Variants in GPATCH2 observed in about 807,000 individuals in gnomAD.
The protein encoded by GPATCH2 is G-patch domain containing 2.
A neutral mutation model predicts 58.0 loss-of-function variants in GPATCH2; 51 were observed. That is an observed-to-expected ratio of 0.88 (90% confidence interval 0.70 to 1.11). The LOEUF is 1.11. Ranked by LOEUF, GPATCH2 falls within the 50% of genes most tolerant of loss-of-function variation. The pLI is 0.00. For synonymous variants in GPATCH2, 222 were observed against 218.5 expected, an observed-to-expected ratio of 1.02 and a Z score of -0.14; for missense variants, 625 against 652.2, an observed-to-expected ratio of 0.96 and a Z score of 0.45.
chr1:217,620,989 A>G (rs1344142065), intron 1 of GPATCH2, among the ~76,000 whole-genome samples: 1 of 152,212 alleles, frequency 6.6e-6, no homozygotes, highest in Non-Finnish European at 1.5e-5. Flanking sequence ...ACAGACAGGT[A>G]GTTTCAGGAT....
chr1:217,575,492 G>A (rs968883378), intron 5 of GPATCH2, among the ~76,000 whole-genome samples: 5 of 152,212 alleles, frequency 3.3e-5, no homozygotes, highest in African/African-American at 1.2e-4. Flanking sequence ...AATTCCAAGT[G>A]GCTCAGATTT....
intron 8 of GPATCH2, among the ~76,000 whole-genome samples, chr1:217,473,665 C>G (rs1022270896): frequency 6.6e-6 from 1 of 151,462 alleles, no homozygotes. Flanking sequence ...AAAAAAAAAC[C>G]CATAGACTTA....
chr1:217,445,542 G>C (rs556458624), intron 9 of GPATCH2, among the ~76,000 whole-genome samples: 1 of 151,916 alleles, frequency 6.6e-6, no homozygotes, highest in Non-Finnish European at 1.5e-5. Flanking sequence ...TTCTTGCTTC[G>C]ATAGTTCTCA....
chr1:217,620,314 G>A lies in GPATCH2; in HGVS notation c.242C>T (p.Pro81Leu), dbSNP rs1306581507. ...RKRRSYNVHH[P>L]WETGHCLSEG... ...ACTTAAGCAGTGACCAGTCTCCCAC[G>A]GGTGATGCACATTATACGACCTCCG... The change falls in exon 2 of 10, where the codon CCG (proline) becomes CTG (leucine). Residue 81 changes from proline (P) to leucine (L), a missense_variant. Pro to Leu is a moderately conservative substitution (Grantham distance 98). Coordinates refer to ENST00000366935, the MANE Select transcript of GPATCH2 (RefSeq NM_018040.5). The A allele has an allele frequency of 6.2e-7, 1 of 1,613,970 alleles. No individual in the cohort carries two copies. Among genetic ancestry groups the A allele is most frequent in the Non-Finnish European group, 8.5e-7 (1 of 1,179,984 alleles).
At position 217,611,083 on chromosome 1, in the gene GPATCH2, C is replaced by T. The variant is rs750301334; in HGVS notation, c.836-12G>A. On this transcript the variant is annotated splice_polypyrimidine_tract_variant and intron_variant, in intron 3 of 9. Transcript: ENST00000366935. ...CTGTTCATCATCACCTGTGCAAATA[C>T]AAGAAACCCCCCCCCACCAAAGACT... 6.3e-7 allele frequency: 1 copy of T among 1,599,510 alleles called. No individual in the cohort carries two copies. The highest frequency in any genetic ancestry group is 1.4e-5 in the African/African-American group (1 of 73,784).
At chr1:217,596,169 T>G (rs2102779634) in intron 5 of GPATCH2, among the ~76,000 whole-genome samples, 1 of 142,240 alleles carries the variant, frequency 7.0e-6, no homozygotes, top group South Asian at 2.1e-4. Flanking sequence ...TAAAACACAC[T>G]TACAGTTCAA....
At chr1:217,478,318 G>A (rs1661057179) in intron 8 of GPATCH2, among the ~76,000 whole-genome samples, 1 of 151,992 alleles carries the variant, frequency 6.6e-6, no homozygotes, top group African/African-American at 2.4e-5. Flanking sequence ...TAAGGCACGA[G>A]GGACCATCCT....
chr1:217,547,565 A>G (rs1044129640), intron 5 of GPATCH2, among the ~76,000 whole-genome samples: 1 of 152,192 alleles, frequency 6.6e-6, no homozygotes, highest in Admixed American at 6.5e-5. Context: ...ATAAAGACAC[A>G]TGCATGCGTA....
intron 8 of GPATCH2, among the ~76,000 whole-genome samples, chr1:217,458,088 G>C (rs1437597864): frequency 6.6e-6 from 1 of 152,120 alleles, no homozygotes. Context: ...AAATTAGCCA[G>C]GCGTGGTCGC....
At chr1:217,517,933 T>C (rs1340394299) in intron 5 of GPATCH2, among the ~76,000 whole-genome samples, 1 of 152,160 alleles carries the variant, frequency 6.6e-6, no homozygotes, top group African/African-American at 2.4e-5. Context: ...ATCCAATTCT[T>C]ATAATTGACA....
At chr1:217,437,684 T>G (rs374405256) in intron 9 of GPATCH2, among the ~76,000 whole-genome samples, 3 of 152,206 alleles carry the variant, frequency 2.0e-5, no homozygotes, top group African/African-American at 7.2e-5. Context: ...CCTCTCTAGA[T>G]TCCTCCTCTA....
chr1:217,578,322 C>G (rs1484023021), intron 5 of GPATCH2, among the ~76,000 whole-genome samples: 1 of 152,140 alleles, frequency 6.6e-6, no homozygotes, highest in Non-Finnish European at 1.5e-5. Context: ...TCAAAGAACT[C>G]CTAGGCCCAA....
intron 5 of GPATCH2, among the ~76,000 whole-genome samples, chr1:217,526,921 G>A (rs542439550): frequency 6.6e-6 from 1 of 152,212 alleles, no homozygotes; most frequent in African/African-American, 2.4e-5. Flanking sequence ...AGGCATCAAG[G>A]TTGTGTGTTC....
chr1:217,535,292 C>T (rs554742815), intron 5 of GPATCH2, among the ~76,000 whole-genome samples: 1 of 152,230 alleles, frequency 6.6e-6, no homozygotes, highest in Non-Finnish European at 1.5e-5. Flanking sequence ...TCTACTTACT[C>T]AACTCCAGTT....
intron 5 of GPATCH2, among the ~76,000 whole-genome samples, chr1:217,524,013 A>G (rs1280252673): frequency 7.1e-6 from 1 of 140,074 alleles, no homozygotes; most frequent in Non-Finnish European, 1.5e-5. Flanking sequence ...CTCACTTCCC[A>G]GTAGGGGCGG....
chr1:217,475,080 C>T (rs771866987), intron 8 of GPATCH2, among the ~76,000 whole-genome samples: 19 of 151,884 alleles, frequency 1.3e-4, no homozygotes, highest in African/African-American at 3.9e-4. Flanking sequence ...CTGAAGGCTT[C>T]GGAGAGAAGA....
At chr1:217,622,943 C>T (rs1669269802) in intron 1 of GPATCH2, among the ~76,000 whole-genome samples, 2 of 152,226 alleles carry the variant, frequency 1.3e-5, no homozygotes, top group African/African-American at 2.4e-5. Flanking sequence ...ACTTTGACTA[C>T]ACTGATAAGC....
At chr1:217,459,517 C>T (rs1013120776) in intron 8 of GPATCH2, among the ~76,000 whole-genome samples, 2 of 152,248 alleles carry the variant, frequency 1.3e-5, no homozygotes, top group Middle Eastern at 3.4e-3. Flanking sequence ...TATAATTATG[C>T]ATTTCTGGAA....
intron 8 of GPATCH2, among the ~76,000 whole-genome samples, chr1:217,473,235 TTCTG>T (rs1166627010): frequency 6.6e-6 from 1 of 151,940 alleles, no homozygotes; most frequent in Non-Finnish European, 1.5e-5. Flanking sequence ...TCACTAGTAT[TTCTG>T]TCTAAAAAAC....
Sources: allele counts gnomAD v4.1 joint callset (sites outside exome capture counted in the v4.1 genomes callset), GRCh38; gene constraint gnomAD v4.1.1; transcripts MANE v1.5; gene names NCBI Gene and HGNC (gene_info 2026-07-23, HGNC 2026-07-21).